Variants in PCMT1 observed in about 807,000 individuals in gnomAD.
PCMT1 encodes protein-L-isoaspartate(D-aspartate) O-methyltransferase.
A neutral mutation model predicts 29.2 loss-of-function variants in PCMT1; 9 were observed. The ratio of observed to expected loss-of-function variants is 0.31; its 90% confidence interval spans 0.19 to 0.54. PCMT1 has a LOEUF of 0.54. Among genes scored for constraint, PCMT1 ranks in the 20% least tolerant of loss-of-function variants. PCMT1 has a pLI of 0.95. For synonymous variants in PCMT1, 98 were observed against 97.5 expected, an observed-to-expected ratio of 1.00 and a Z score of -0.03; for missense variants, 184 against 282.2, an observed-to-expected ratio of 0.65 and a Z score of 2.49.
intron 7 of PCMT1, among the ~76,000 whole-genome samples, chr6:149,806,624 C>CTT (rs1776022428): frequency 6.6e-6 from 1 of 152,188 alleles, no homozygotes; most frequent in Non-Finnish European, 1.5e-5. Flanking sequence ...CAGTCTCTCT[C>CTT]TGTCACCCAG....
chr6:149,793,778 C>T (rs1340462216), intron 5 of PCMT1, 109 bp downstream of exon 5: 9 of 950,890 alleles, frequency 9.5e-6, no homozygotes, highest in Non-Finnish European at 1.3e-5. Flanking sequence ...TTTTTACAAT[C>T]ACTTTTAAGT....
chr6:149,774,120 G>C (rs184951322), intron 3 of PCMT1, among the ~76,000 whole-genome samples: 3 of 152,180 alleles, frequency 2.0e-5, no homozygotes, highest in Admixed American at 6.5e-5. Context: ...CTCCTAAAGT[G>C]CTAGGATTAC....
intron 1 of PCMT1, among the ~76,000 whole-genome samples, chr6:149,759,556 G>A (rs1314836152): frequency 3.3e-5 from 5 of 151,814 alleles, no homozygotes; most frequent in African/African-American, 9.7e-5. Context: ...GTGCAATGGC[G>A]GGATCTCAGC....
chr6:149,756,474 G>T (rs1031494062), intron 1 of PCMT1, among the ~76,000 whole-genome samples: 7 of 140,310 alleles, frequency 5.0e-5, no homozygotes, highest in African/African-American at 1.6e-4. Context: ...TCAGCCTCCC[G>T]AGTAACTGGG....
rs140518958 is a variant in PCMT1, at chr6:149,773,471, C to T, written c.192+302C>T. On this transcript the variant is annotated intron_variant, in intron 3 of 7. Coordinates refer to ENST00000464889, the MANE Select transcript of PCMT1 (RefSeq NM_001360452.2). ...TCGGCTCACTGCAACCTCCCACTTC[C>T]GGGTTCATGCCATTCTCCTGCCTCA... Among the ~76,000 whole-genome samples the T allele has an allele frequency of 7.7e-3, 1,179 of 152,258 alleles. 10 individuals are homozygous for T. The highest frequency in any genetic ancestry group is 0.021 in the African/African-American group (872 of 41,550).
chr6:149,782,912 T>A (rs1238858201), intron 3 of PCMT1, among the ~76,000 whole-genome samples: 3 of 152,074 alleles, frequency 2.0e-5, no homozygotes, highest in Non-Finnish European at 4.4e-5. Context: ...ATCTCAGCAC[T>A]TCAGGAGGCC....
At chr6:149,806,765 T>C (rs1486294673) in intron 7 of PCMT1, among the ~76,000 whole-genome samples, 2 of 151,666 alleles carry the variant, frequency 1.3e-5, no homozygotes, top group East Asian at 1.9e-4. Context: ...GATTTTCTTG[T>C]TTTTTTTGTA....
Position 149,763,102 on chromosome 6 carries a change from A to G in PCMT1, c.56-8060A>G, listed in dbSNP as rs1454550699. On this transcript the variant is annotated intron_variant, in intron 1 of 7. Coordinates refer to ENST00000464889, the MANE Select transcript of PCMT1 (RefSeq NM_001360452.2). ...TGTATATCTATGATATATATGATATATATATCTATGATATGTATATCTATG... is the reference window on the plus strand; with the variant it reads ...TGTATATCTATGATATATATGATATGTATATCTATGATATGTATATCTATG... Among the ~76,000 whole-genome samples the G allele has an allele frequency of 2.8e-5, 2 of 70,834 alleles. 1 individual carries two copies. Among genetic ancestry groups the G allele is most frequent in the African/African-American group, 2.5e-4 (2 of 7,914 alleles). The allele number at this position is 70,834 out of a possible 152,430, so 46.5% of individuals were successfully genotyped here. A position where few individuals can be genotyped will look rare whatever the true frequency, so the allele number is the denominator to read the frequency against.
rs553589844 is a variant in PCMT1, at chr6:149,772,676, C to G, written c.161-462C>G. 9.6e-6 allele frequency: 4 copies of G among 417,006 alleles called. No individual in the cohort carries two copies. The Admixed American group carries it at 1.0e-4, about 10-fold the overall frequency. The allele number at this position is 417,006 out of a possible 1,614,324, so 25.8% of individuals were successfully genotyped here. A position where few individuals can be genotyped will look rare whatever the true frequency, so the allele number is the denominator to read the frequency against. On this transcript the variant is annotated intron_variant, in intron 2 of 7. Transcript: ENST00000464889. ...ATTTTAACTGCTGGGTGACAGTACT[C>G]TAATAGAAGTAAGTTTTATTTTCTT...
intron 3 of PCMT1, among the ~76,000 whole-genome samples, chr6:149,785,370 TTTAA>T (rs1375252187): frequency 6.7e-6 from 1 of 149,552 alleles, no homozygotes; most frequent in Non-Finnish European, 1.5e-5. Context: ...TTTTTTTTTT[TTTAA>T]TTTAAATGTG....
chr6:149,808,981 A>G (rs1164940957), intron 7 of PCMT1, among the ~76,000 whole-genome samples: 1 of 147,120 alleles, frequency 6.8e-6, no homozygotes, highest in Non-Finnish European at 1.5e-5. Context: ...TGGCTTGGGC[A>G]TGGTGGCTCA....
At chr6:149,766,849 T>C (rs1787106717) in intron 1 of PCMT1, among the ~76,000 whole-genome samples, 1 of 152,224 alleles carries the variant, frequency 6.6e-6, no homozygotes, top group Admixed American at 6.5e-5. Context: ...TTGGCTTTTC[T>C]AGAATGTGTT....
intron 1 of PCMT1, among the ~76,000 whole-genome samples, chr6:149,759,053 T>A (rs898193067): frequency 6.6e-6 from 1 of 152,124 alleles, no homozygotes; most frequent in Admixed American, 6.6e-5. Flanking sequence ...GTTTTTGTAT[T>A]TTTAGTAGAG....
chr6:149,786,206 G>C (rs1486312344), intron 3 of PCMT1, among the ~76,000 whole-genome samples: 2 of 118,402 alleles, frequency 1.7e-5, no homozygotes, highest in Non-Finnish European at 3.4e-5. Context: ...CTGGCCGGGC[G>C]GGGGGGCTGA....
At chr6:149,790,592 A>G (rs1788323895) in intron 4 of PCMT1, among the ~76,000 whole-genome samples, 1 of 146,662 alleles carries the variant, frequency 6.8e-6, no homozygotes, top group Non-Finnish European at 1.5e-5. Flanking sequence ...ACCTTATCTC[A>G]TGGTGCAGGG....
At chr6:149,793,513 G>A in intron 4 of PCMT1, 36 bp from the exon 5 acceptor site, 1 of 1,404,530 alleles carries the variant, frequency 7.1e-7, no homozygotes, top group Non-Finnish European at 9.3e-7. Flanking sequence ...AACAAATTTA[G>A]CCCAATGAGC....
At chr6:149,758,454 C>T (rs978102586) in intron 1 of PCMT1, among the ~76,000 whole-genome samples, 1 of 151,816 alleles carries the variant, frequency 6.6e-6, no homozygotes, top group Admixed American at 6.6e-5. Flanking sequence ...TTGTGATCTG[C>T]CCACCTCGGC....
intron 2 of PCMT1, among the ~76,000 whole-genome samples, chr6:149,771,521 A>G (rs1369956904): frequency 6.6e-6 from 1 of 152,164 alleles, no homozygotes; most frequent in African/African-American, 2.4e-5. Flanking sequence ...TAGTGAAAAA[A>G]ACTTTTGTAT....
chr6:149,797,576 G>C (rs776732950), intron 6 of PCMT1: 5 of 152,270 alleles, frequency 3.3e-5, no homozygotes, highest in Non-Finnish European at 7.3e-5. Context: ...CTACTCTGGA[G>C]GCTGAGGTGG....
Sources: gnomAD v4.1 joint callset for allele counts (sites outside exome capture counted in the v4.1 genomes callset) on GRCh38, gnomAD v4.1.1 for gene constraint, MANE v1.5 for transcripts, NCBI Gene and HGNC (gene_info 2026-07-23, HGNC 2026-07-21) for gene names.